LGR5: variants seen among roughly 807,000 people sequenced by gnomAD.
LGR5 encodes leucine-rich repeat-containing G protein-coupled receptor 5.
A neutral mutation model predicts 76.7 loss-of-function variants in LGR5; 54 were observed. That is an observed-to-expected ratio of 0.70 (90% CI 0.57 to 0.88). LGR5 has a LOEUF of 0.88. Among genes scored for constraint, LGR5 ranks in the 40% least tolerant of loss-of-function variants. The probability of loss-of-function intolerance (pLI) is 0.00; values close to 1 mark genes in which losing one functional copy is unlikely to be tolerated. For missense variants in LGR5, 1,078 were observed against 1,073.3 expected, an observed-to-expected ratio of 1.00 and a Z score of -0.06; for synonymous variants, 406 against 421.9, an observed-to-expected ratio of 0.96 and a Z score of 0.46.
Position 71,577,913 on chromosome 12 carries a change from T to C in LGR5, c.1209-12T>C. ...TCTATATAATTCTCTCATTTGCCTT[T>C]TTTTACAATAGGAATTTGGCTTGGA... On this transcript the variant is annotated splice_polypyrimidine_tract_variant and intron_variant, in intron 13 of 17. Transcript: ENST00000266674. 1 of 1,600,346 alleles carries C rather than the reference T, an allele frequency of 6.2e-7. No homozygotes were observed. Among genetic ancestry groups the C allele is most frequent in the Non-Finnish European group, 8.6e-7 (1 of 1,167,650 alleles).
chr12:71,477,511 A>G (rs1416137488), intron 1 of LGR5, among the ~76,000 whole-genome samples: 2 of 150,312 alleles, frequency 1.3e-5, no homozygotes, highest in Non-Finnish European at 3.0e-5. Flanking sequence ...ATGTGATAAT[A>G]AAATATACAT....
intron 2 of LGR5, among the ~76,000 whole-genome samples, chr12:71,509,580 C>T (rs1348100052): frequency 6.6e-6 from 1 of 152,110 alleles, no homozygotes; most frequent in Non-Finnish European, 1.5e-5. Flanking sequence ...AAAGATCCTA[C>T]ATTTGGGCCA....
In LGR5 at chr12:71,504,649, C is replaced by G. The variant is rs143988867; in HGVS notation, c.248C>G (p.Pro83Arg). The change falls in exon 2 of 18, where the codon CCG becomes CGG. Residue 83 changes from proline to arginine, a missense_variant. Pro to Arg is a moderately radical substitution (Grantham distance 103). Transcript: ENST00000266674. ...ATGAACAACATCAGTCAGCTGCTCC[C>G]GAATCCCCTGCCCAGTCTCCGCTTC... is the stretch of plus-strand genomic sequence containing the variant. ...LSMNNISQLL[P>R]NPLPSLRFLE... The G allele has an allele frequency of 1.2e-6, 2 of 1,613,946 alleles. No homozygotes were observed. Among genetic ancestry groups the G allele is most frequent in the Non-Finnish European group, 1.7e-6 (2 of 1,179,974 alleles).
At chr12:71,543,717 A>G (rs1876998843) in intron 4 of LGR5, among the ~76,000 whole-genome samples, 1 of 152,240 alleles carries the variant, frequency 6.6e-6, no homozygotes, top group Non-Finnish European at 1.5e-5. Context: ...AAGAGATCAA[A>G]GGCAAAAGGA....
At chr12:71,444,444 TCAAA>T (rs926454526) in intron 1 of LGR5, among the ~76,000 whole-genome samples, 10 of 152,148 alleles carry the variant, frequency 6.6e-5, no homozygotes, top group African/African-American at 2.4e-4. Context: ...GTGAGCTCAT[TCAAA>T]CAATTTTGTG....
At chr12:71,477,264 T>C (rs7134447) in intron 1 of LGR5, among the ~76,000 whole-genome samples, 13,596 of 152,062 alleles carry the variant, frequency 0.089, 649 homozygotes, top group Non-Finnish European at 0.11. Flanking sequence ...AGAAGACTGG[T>C]GATTTACAAT....
In LGR5 at chr12:71,584,370, T is replaced by C; in HGVS notation, c.2360T>C (p.Phe787Ser). Residue 787 changes from phenylalanine to serine, a missense_variant, in exon 18 of 18, where the codon TTC (phenylalanine) becomes TCC (serine). Phe to Ser is a radical substitution (Grantham distance 155). Coordinates refer to ENST00000266674, the MANE Select transcript of LGR5 (RefSeq NM_003667.4). The stretch of plus-strand genomic sequence containing the variant: ...AACTGCCCTGTGGCTTTCTTGTCCT[T>C]CTCCTCTTTAATAAACCTTACATTT... ...ILNCPVAFLS[F>S]SSLINLTFIS... 1 of 1,614,222 alleles carries C rather than the reference T, an allele frequency of 6.2e-7. No individual in the cohort carries two copies. Among genetic ancestry groups the C allele is most frequent in the African/African-American group, 1.3e-5 (1 of 75,052 alleles).
At position 71,494,560 on chromosome 12, in the gene LGR5, C is replaced by T. The variant is rs373983137; in HGVS notation, c.213-10054C>T. On this transcript the variant is annotated intron_variant, in intron 1 of 17. Transcript: ENST00000266674. Reference sequence around the variant, plus strand: ...GATTAAAACTTCCCCGTTGTGGCCACTGCAACTTCAAATTATTTCTTGTAG... The same window carrying T: ...GATTAAAACTTCCCCGTTGTGGCCATTGCAACTTCAAATTATTTCTTGTAG... 1.1e-4 allele frequency among the ~76,000 whole-genome samples: 16 copies of T among 151,326 alleles called. No individual in the cohort carries two copies. The East Asian group carries it at 3.1e-3, about 29-fold the overall frequency.
chr12:71,458,800 C>A (rs1393378989), intron 1 of LGR5, among the ~76,000 whole-genome samples: 1 of 152,062 alleles, frequency 6.6e-6, no homozygotes, highest in Non-Finnish European at 1.5e-5. Flanking sequence ...TGTACACAAT[C>A]CTTGCCTTTG....
At chr12:71,504,478 T>C (rs1462273664) in intron 1 of LGR5, 136 bp from the exon 2 acceptor site, 1 of 760,172 alleles carries the variant, frequency 1.3e-6, no homozygotes, top group Admixed American at 1.8e-5. Flanking sequence ...ATTTAAGATG[T>C]AGAATAGCAA....
intron 1 of LGR5, among the ~76,000 whole-genome samples, chr12:71,490,450 G>A (rs1874017421): frequency 6.6e-6 from 1 of 152,168 alleles, no homozygotes; most frequent in Non-Finnish European, 1.5e-5. Flanking sequence ...TAGGCAGAGT[G>A]ACAGGGCTAA....
At chr12:71,464,546 T>C (rs964857651) in intron 1 of LGR5, among the ~76,000 whole-genome samples, 8 of 152,090 alleles carry the variant, frequency 5.3e-5, no homozygotes, top group Non-Finnish European at 2.9e-5. Context: ...CACAGGCTGA[T>C]CTAGAAGATG....
In LGR5 at chr12:71,440,175, G is replaced by C. The variant is rs1871692281; in HGVS notation, c.95G>C (p.Arg32Thr). 1.9e-6 allele frequency: 3 copies of C among 1,611,786 alleles called. No homozygotes were observed. Among genetic ancestry groups the C allele is most frequent in the Non-Finnish European group, 2.5e-6 (3 of 1,179,704 alleles). ...TCTCCCAGGTCTGGTGTGTTGCTGA[G>C]GGGCTGCCCCACACACTGTCATTGC... is the stretch of plus-strand genomic sequence containing the variant. ...GSSPRSGVLLRGCPTHCHCEP... is the reference protein window; with the variant it reads ...GSSPRSGVLLTGCPTHCHCEP... The change falls in exon 1 of 18, where the codon AGG (arginine) becomes ACG (threonine). Residue 32 changes from arginine to threonine, a missense_variant. Coordinates refer to ENST00000266674, the MANE Select transcript of LGR5 (RefSeq NM_003667.4). The surrounding 1 kb of genome is among the most constrained non-coding windows in gnomAD (Gnocchi z 5.3).
At chr12:71,572,964 T>C in intron 13 of LGR5, 43 bp downstream of exon 13, 1 of 1,455,882 alleles carries the variant, frequency 6.9e-7, no homozygotes, top group African/African-American at 1.4e-5. Flanking sequence ...CAGAGCATTT[T>C]CTTTCTCTTT....
intron 1 of LGR5, among the ~76,000 whole-genome samples, chr12:71,443,432 T>C (rs1871851290): frequency 6.6e-6 from 1 of 152,228 alleles, no homozygotes; most frequent in South Asian, 2.1e-4. Context: ...TCTTCATCTC[T>C]TCTCTCCCCC....
intron 1 of LGR5, among the ~76,000 whole-genome samples, chr12:71,489,758 T>C (rs1873983905): frequency 6.6e-6 from 1 of 152,160 alleles, no homozygotes; most frequent in African/African-American, 2.4e-5. Context: ...AGTGTATCTA[T>C]TGTCTGTGTA....
chr12:71,506,428 C>A (rs926792585), intron 2 of LGR5, among the ~76,000 whole-genome samples: 2 of 152,056 alleles, frequency 1.3e-5, no homozygotes, highest in African/African-American at 4.8e-5. Flanking sequence ...ACTCCTCTTT[C>A]TTCATGAGGT....
At chr12:71,443,441 C>T (rs927662443) in intron 1 of LGR5, among the ~76,000 whole-genome samples, 1 of 152,202 alleles carries the variant, frequency 6.6e-6, no homozygotes, top group South Asian at 2.1e-4. Context: ...CTTCTCTCCC[C>T]CTGCTGCCCC....
At chr12:71,455,850 T>TA (rs1266862740) in intron 1 of LGR5, among the ~76,000 whole-genome samples, 1 of 152,206 alleles carries the variant, frequency 6.6e-6, no homozygotes, top group Non-Finnish European at 1.5e-5. Context: ...ATTGTATATA[T>TA]ATGTGCATAT....
Sources: allele counts gnomAD v4.1 joint callset (sites outside exome capture counted in the v4.1 genomes callset), GRCh38; gene constraint gnomAD v4.1.1; non-coding constraint Gnocchi (gnomAD v3.1); transcripts MANE v1.5; gene names NCBI Gene and HGNC (gene_info 2026-07-23, HGNC 2026-07-21).